Variants in MAP1LC3B observed in about 807,000 individuals in gnomAD.
MAP1LC3B encodes microtubule-associated protein 1 light chain 3 beta.
Under a neutral mutation model 16.7 loss-of-function variants are expected in MAP1LC3B, and 12 were observed. That is an observed-to-expected ratio of 0.72 (90% CI 0.46 to 1.16). The LOEUF (loss-of-function observed/expected upper bound fraction) is 1.16, where lower values mean the gene tolerates loss of function less well. Ranked by LOEUF, MAP1LC3B falls within the 50% of genes most tolerant of loss-of-function variation. The probability of loss-of-function intolerance (pLI) is 0.00; values close to 1 mark genes in which losing one functional copy is unlikely to be tolerated. For synonymous variants in MAP1LC3B, 63 were observed against 56.5 expected, an observed-to-expected ratio of 1.11 and a Z score of -0.51; for missense variants, 155 against 159.5, an observed-to-expected ratio of 0.97 and a Z score of 0.15.
rs1239193011 is a variant in MAP1LC3B, at chr16:87,399,219, C to G, written c.96+349C>G. ...GACAGGGTCTTGCTATGTTTAACAA[C>G]CCAGGCTGATCTCAAACTCCTGGGC... is the stretch of plus-strand genomic sequence containing the variant. On this transcript the variant is annotated intron_variant, in intron 2 of 3. Transcript: ENST00000268607. 4 of 275,696 alleles carry G rather than the reference C, an allele frequency of 1.5e-5. No individual in the cohort carries two copies. The Admixed American group carries it at 2.0e-4, about 14-fold the overall frequency. 17.1% of individuals were successfully genotyped at this position (275,696 alleles called of 1,614,324 possible).
In MAP1LC3B at chr16:87,403,114, G is replaced by T. The variant is rs1054521; in HGVS notation, c.*17G>T. On this transcript the variant is annotated 3_prime_UTR_variant, in exon 4 of 4. Coordinates refer to ENST00000268607, the MANE Select transcript of MAP1LC3B (RefSeq NM_022818.5). Reference sequence around the variant, plus strand: ...TCAGTGTAAAACCAGAAAAAATGCAGCTCTTCTAGAATTGTTTAAACCCTT... The same window carrying T: ...TCAGTGTAAAACCAGAAAAAATGCATCTCTTCTAGAATTGTTTAAACCCTT... 1,446,803 of 1,579,964 alleles carry T rather than the reference G, an allele frequency of 0.92. 674,035 individuals are homozygous for T. The highest frequency in any genetic ancestry group is 1 in the East Asian group (44,758 of 44,764).
In MAP1LC3B at chr16:87,392,436, G is replaced by A. The variant is rs1235372158; in HGVS notation, c.9G>A (p.Ser3=). MP[S]EKTFKQRRTF... ...GCCCAGATCCCTGCACCATGCCGTC[G>A]GAGAAGACCTTCAAGCAGCGCCGCA... The change falls in exon 1 of 4, where the codon TCG becomes TCA. Residue 3 remains serine (S), a synonymous_variant. Transcript: ENST00000268607. 9 of 1,418,468 alleles carry A rather than the reference G, an allele frequency of 6.3e-6. No homozygotes were observed. The East Asian group carries it at 9.1e-5, about 14-fold the overall frequency. 87.9% of individuals were successfully genotyped at this position (1,418,468 alleles called of 1,614,324 possible).
chr16:87,394,558 C>A (rs1907733373), intron 1 of MAP1LC3B, among the ~76,000 whole-genome samples: 1 of 152,184 alleles, frequency 6.6e-6, no homozygotes, highest in Non-Finnish European at 1.5e-5. Flanking sequence ...CTGAAAACAA[C>A]GCCTTCCTTT....
chr16:87,394,542 G>A (rs956107132), intron 1 of MAP1LC3B, among the ~76,000 whole-genome samples: 5 of 152,176 alleles, frequency 3.3e-5, no homozygotes, highest in Non-Finnish European at 5.9e-5. Context: ...TGGATTTTAA[G>A]GCTCACTGAA....
intron 1 of MAP1LC3B, among the ~76,000 whole-genome samples, chr16:87,393,885 A>T (rs934349062): frequency 6.6e-6 from 1 of 152,200 alleles, no homozygotes; most frequent in Non-Finnish European, 1.5e-5. Context: ...GTTTTCACCA[A>T]TGAAAAGTTA....
intron 1 of MAP1LC3B, among the ~76,000 whole-genome samples, chr16:87,397,638 A>T (rs1040359376): frequency 2.6e-5 from 4 of 151,980 alleles, no homozygotes; most frequent in Non-Finnish European, 4.4e-5. Context: ...TGATACTAAA[A>T]TTTTTTTTAA....
chr16:87,398,137 C>G (rs529858310), intron 1 of MAP1LC3B, among the ~76,000 whole-genome samples: 28 of 152,196 alleles, frequency 1.8e-4, no homozygotes, highest in African/African-American at 6.3e-4. Flanking sequence ...ATTCTCCTGC[C>G]TCAGCCTCCC....
chr16:87,392,607 G>A lies in MAP1LC3B; in HGVS notation c.40+140G>A, dbSNP rs1392249271. ...CCGGTGGCTGCCGGCCGGCGGGGCC[G>A]AGGGATGCGGGGCCCGGGGCCCCGT... is the stretch of plus-strand genomic sequence containing the variant. On this transcript the variant is annotated intron_variant, in intron 1 of 3. Coordinates refer to ENST00000268607, the MANE Select transcript of MAP1LC3B (RefSeq NM_022818.5). 2.8e-4 allele frequency: 221 copies of A among 798,844 alleles called. No individual in the cohort carries two copies. The Middle Eastern group carries it at 3.0e-3, about 11-fold the overall frequency. 49.5% of individuals were successfully genotyped at this position (798,844 alleles called of 1,614,324 possible).
At chr16:87,395,680 T>C (rs1051115295) in intron 1 of MAP1LC3B, among the ~76,000 whole-genome samples, 6 of 152,158 alleles carry the variant, frequency 3.9e-5, no homozygotes, top group Non-Finnish European at 8.8e-5. Context: ...TTGGGTGTTA[T>C]TCTTTACAGC....
At chr16:87,393,484 C>T (rs1032334106) in intron 1 of MAP1LC3B, among the ~76,000 whole-genome samples, 2 of 152,168 alleles carry the variant, frequency 1.3e-5, no homozygotes, top group Non-Finnish European at 2.9e-5. Flanking sequence ...GTTTAGCATT[C>T]ATTTGAGTTT....
rs1908086330 is a variant in MAP1LC3B, at chr16:87,403,986, C to A, written c.*889C>A. On this transcript the variant is annotated 3_prime_UTR_variant, in exon 4 of 4. Coordinates refer to ENST00000268607, the MANE Select transcript of MAP1LC3B (RefSeq NM_022818.5). ...GAAAACATTAACATTCAGACACACTCCCTTCTGCCTTCCGGCTTAAAGCTG... is the reference window on the plus strand; with the variant it reads ...GAAAACATTAACATTCAGACACACTACCTTCTGCCTTCCGGCTTAAAGCTG... The A allele has an allele frequency of 6.6e-6, 1 of 152,306 alleles. No homozygotes were observed. Among genetic ancestry groups the A allele is most frequent in the South Asian group, 2.1e-4 (1 of 4,826 alleles). 9.4% of individuals were successfully genotyped at this position (152,306 alleles called of 1,614,324 possible).
At chr16:87,398,945 C>T (rs1567500219) in intron 2 of MAP1LC3B, 75 bp downstream of exon 2, 18 of 1,323,628 alleles carry the variant, frequency 1.4e-5, no homozygotes, top group Admixed American at 8.6e-5. Flanking sequence ...ATCCACTTGA[C>T]GGGTTTTTAC....
Position 87,392,360 on chromosome 16 carries a change from G to C in MAP1LC3B, c.-68G>C, listed in dbSNP as rs1011539393. On this transcript the variant is annotated 5_prime_UTR_variant, in exon 1 of 4. Transcript: ENST00000268607. ...CAGAGTCGGATTCGCCGCCGCAGCAGCCGCCGCCCCCGGGAGCCGCCGGGA... is the reference window on the plus strand; with the variant it reads ...CAGAGTCGGATTCGCCGCCGCAGCACCCGCCGCCCCCGGGAGCCGCCGGGA... 25 of 1,358,402 alleles carry C rather than the reference G, an allele frequency of 1.8e-5. No homozygotes were observed. Among genetic ancestry groups the C allele is most frequent in the Admixed American group, 7.9e-5 (2 of 25,408 alleles). 84.1% of individuals were successfully genotyped at this position (1,358,402 alleles called of 1,614,324 possible).
chr16:87,396,715 G>GT (rs1907819501), intron 1 of MAP1LC3B: 1 of 152,214 alleles, frequency 6.6e-6, no homozygotes, highest in South Asian at 2.1e-4. Flanking sequence ...CTTAGGAGAG[G>GT]TGATGATGAG....
chr16:87,392,388 C>A lies in MAP1LC3B; in HGVS notation c.-40C>A. On this transcript the variant is annotated 5_prime_UTR_variant, in exon 1 of 4. Coordinates refer to ENST00000268607, the MANE Select transcript of MAP1LC3B (RefSeq NM_022818.5). ...GCCGCCCCCGGGAGCCGCCGGGACC[C>A]TCGCGTCGTCGCCGCCGCCGCCGCC... The A allele has an allele frequency of 7.1e-7, 1 of 1,411,850 alleles. No homozygotes were observed. Among genetic ancestry groups the A allele is most frequent in the Non-Finnish European group, 9.2e-7 (1 of 1,091,214 alleles). The allele number at this position is 1,411,850 out of a possible 1,614,324, so 87.5% of individuals were successfully genotyped here.
In MAP1LC3B at chr16:87,403,144, A is replaced by T. The variant is rs760050158; in HGVS notation, c.*47A>T. ...TCTAGAATTGTTTAAACCCTTACCA[A>T]GGAAAAAAAAGGGATGTTACCAACT... On this transcript the variant is annotated 3_prime_UTR_variant, in exon 4 of 4. Transcript: ENST00000268607. 6.4e-7 allele frequency: 1 copy of T among 1,558,046 alleles called. No homozygotes were observed. The highest frequency in any genetic ancestry group is 1.2e-5 in the South Asian group (1 of 80,784).
At chr16:87,400,994 G>A (rs1317087618) in intron 2 of MAP1LC3B, among the ~76,000 whole-genome samples, 3 of 151,956 alleles carry the variant, frequency 2.0e-5, no homozygotes, top group Admixed American at 6.6e-5. Context: ...TTAGCTGGGC[G>A]TGGTGGCGGG....
At chr16:87,402,626 GCTTAGAT>G in intron 3 of MAP1LC3B, 1 of 537,574 alleles carries the variant, frequency 1.9e-6, no homozygotes, top group Non-Finnish European at 3.3e-6. Context: ...AATGGCACAG[GCTTAGAT>G]CTTAGAATAG....
At chr16:87,400,634 T>C (rs1907958961) in intron 2 of MAP1LC3B, among the ~76,000 whole-genome samples, 1 of 152,142 alleles carries the variant, frequency 6.6e-6, no homozygotes, top group South Asian at 2.1e-4. Flanking sequence ...AGACAGTCTC[T>C]AGTGTGGAAA....
Sources: allele counts gnomAD v4.1 joint callset (sites outside exome capture counted in the v4.1 genomes callset), GRCh38; gene constraint gnomAD v4.1.1; transcripts MANE v1.5; gene names NCBI Gene and HGNC (gene_info 2026-07-23, HGNC 2026-07-21).